The following PLA2G1B variants were observed in gnomAD, a reference collection of about 807,000 sequenced individuals.
PLA2G1B encodes phospholipase A2 group IB.
In PLA2G1B, 12 loss-of-function variants were observed where a neutral mutation model predicts 12.5. The observed-to-expected ratio is 0.96, with a 90% confidence interval of 0.62 to 1.56. PLA2G1B has a LOEUF of 1.56. Ranked by LOEUF, PLA2G1B falls within the 40% of genes most tolerant of loss-of-function variation. The pLI is 0.00. For synonymous variants in PLA2G1B, 81 were observed against 73.4 expected (o/e 1.10, Z -0.53); for missense variants, 189 against 186.7 (o/e 1.01, Z -0.07).
At position 120,324,061 on chromosome 12, in the gene PLA2G1B, C is replaced by T. The variant is rs897496767; in HGVS notation, c.322+873G>A. Among the ~76,000 whole-genome samples, 24 of 152,094 alleles carry T rather than the reference C, an allele frequency of 1.6e-4. 1 individual carries two copies. Among genetic ancestry groups the T allele is most frequent in the Admixed American group, 9.8e-4 (15 of 15,258 alleles). ...GCACAGTGACTCACGCCTATAATTC[C>T]AGCACTTTGGGAGACTGAGGCAGGC... On this transcript the variant is annotated intron_variant, in intron 3 of 3. Transcript: ENST00000308366.
At chr12:120,327,566 A>G (rs1243801705) in intron 1 of PLA2G1B, among the ~76,000 whole-genome samples, 154 bp downstream of exon 1, 2 of 152,226 alleles carry the variant, frequency 1.3e-5, no homozygotes, top group Non-Finnish European at 2.9e-5. Context: ...GGGAACCCCA[A>G]TAGAGGAGCC....
chr12:120,325,729 T>A (rs1295661616), intron 2 of PLA2G1B, 132 bp downstream of exon 2: 1 of 851,002 alleles, frequency 1.2e-6, no homozygotes, highest in African/African-American at 1.7e-5. Context: ...ATTTGTTTAT[T>A]TGACAAGAGG....
At chr12:120,322,343 T>C in intron 3 of PLA2G1B, 26 bp from the exon 4 acceptor site, 1 of 1,608,200 alleles carries the variant, frequency 6.2e-7, no homozygotes, top group Non-Finnish European at 8.5e-7. Context: ...AGGAGAGGAC[T>C]GAGCCAAGGT....
rs199972494 is a variant in PLA2G1B at position 120,322,271 on chromosome 12, G to A, written c.369C>T (p.Asn123=). ...CEAFICNCDR[N]AAICFSKAPY... ...GAGCTTTTGAAAAGCAGATGGCAGCGTTGCGGTCGCAGTTGCAAATGAAGG... is the reference window on the plus strand; with the variant it reads ...GAGCTTTTGAAAAGCAGATGGCAGCATTGCGGTCGCAGTTGCAAATGAAGG... Residue 123 remains asparagine (N), a synonymous_variant, in exon 4 of 4, where the codon AAC becomes AAT. Coordinates refer to ENST00000308366, the MANE Select transcript of PLA2G1B (RefSeq NM_000928.3). 28 of 1,613,948 alleles carry A rather than the reference G, an allele frequency of 1.7e-5. No individual in the cohort carries two copies. In the East Asian group the frequency reaches 4.0e-4, roughly 23 times the overall value.
At chr12:120,324,888 C>T (rs767518846) in intron 3 of PLA2G1B, 46 bp downstream of exon 3, 2 of 1,606,516 alleles carry the variant, frequency 1.2e-6, no homozygotes, top group Non-Finnish European at 1.7e-6. Context: ...CCCCGGCCTA[C>T]TGAGAACCAA....
chr12:120,326,418 C>T (rs1407997052), intron 1 of PLA2G1B, among the ~76,000 whole-genome samples: 4 of 147,006 alleles, frequency 2.7e-5, no homozygotes, highest in African/African-American at 1.0e-4. Flanking sequence ...TTTCAGCTCA[C>T]TGCAAACTCT....
intron 1 of PLA2G1B, among the ~76,000 whole-genome samples, chr12:120,326,261 C>T (rs1489492760): frequency 7.1e-6 from 1 of 141,774 alleles, no homozygotes; most frequent in Non-Finnish European, 1.5e-5. Context: ...TATATATCTT[C>T]TTCTTTTTCT....
In PLA2G1B at chr12:120,327,746, A is replaced by G; in HGVS notation, c.8T>C (p.Leu3Pro). The stretch of plus-strand genomic sequence containing the variant: ...TGTGAGCAGCACAGCTAGCACAAGG[A>G]GTTTCATCTTGCAGTCAAGGTGAGA... MK[L>P]LVLAVLLTVA... Residue 3 changes from leucine (L) to proline (P), a missense_variant, in exon 1 of 4, where the codon CTC becomes CCC. By Grantham distance (98) the Leu-to-Pro change is moderately conservative (BLOSUM62 -3). Transcript: ENST00000308366. 6.2e-7 allele frequency: 1 copy of G among 1,613,980 alleles called. No homozygotes were observed. The highest frequency in any genetic ancestry group is 8.5e-7 in the Non-Finnish European group (1 of 1,179,864).
At chr12:120,323,643 T>G (rs1221746187) in intron 3 of PLA2G1B, among the ~76,000 whole-genome samples, 1 of 150,984 alleles carries the variant, frequency 6.6e-6, no homozygotes, top group Non-Finnish European at 1.5e-5. Context: ...AAAAAAAAAC[T>G]GTGTGTGAGT....
chr12:120,326,179 A>T, intron 1 of PLA2G1B, 159 bp from the exon 2 acceptor site: 5 of 414,378 alleles, frequency 1.2e-5, no homozygotes, highest in Non-Finnish European at 1.2e-5. Context: ...GAAAGTGGGT[A>T]GAGGTTTTTT....
intron 1 of PLA2G1B, among the ~76,000 whole-genome samples, chr12:120,326,964 C>CT (rs150226486): frequency 0.064 from 9,778 of 152,006 alleles, 1,040 homozygotes; most frequent in African/African-American, 0.22. Flanking sequence ...AAGCAAGACT[C>CT]TGTCTCAATA....
intron 3 of PLA2G1B, among the ~76,000 whole-genome samples, chr12:120,324,349 A>G (rs1873294628): frequency 6.6e-6 from 1 of 152,114 alleles, no homozygotes; most frequent in South Asian, 2.1e-4. Context: ...TGGATCTTAC[A>G]TTCTATTGGA....
chr12:120,326,102 C>T (rs558731791), intron 1 of PLA2G1B, 82 bp from the exon 2 acceptor site: 33 of 1,468,440 alleles, frequency 2.2e-5, no homozygotes, highest in East Asian at 1.1e-4. Context: ...TCGGGTCCCA[C>T]GCTGCCTCCC....
chr12:120,327,392 T>C (rs1873372698), intron 1 of PLA2G1B, among the ~76,000 whole-genome samples: 1 of 152,180 alleles, frequency 6.6e-6, no homozygotes, highest in Admixed American at 6.5e-5. Flanking sequence ...GGAGGATCAC[T>C]TGAGCCCACG....
chr12:120,324,926 AAAC>A lies in PLA2G1B; in HGVS notation c.322+5_322+7del. ...AGAATTCATAGGTCAAGGAAGGGAT[AAAC>A]CTACTGCTACAGGTGATTGCCGAGC... On this transcript the variant is annotated splice_donor_5th_base_variant and intron_variant, in intron 3 of 3. Coordinates refer to ENST00000308366, the MANE Select transcript of PLA2G1B (RefSeq NM_000928.3). The A allele has an allele frequency of 6.2e-7, 1 of 1,614,082 alleles. No homozygotes were observed. The highest frequency in any genetic ancestry group is 8.5e-7 in the Non-Finnish European group (1 of 1,179,942).
intron 2 of PLA2G1B, 89 bp downstream of exon 2, chr12:120,325,772 T>A: frequency 8.4e-7 from 1 of 1,193,108 alleles, no homozygotes; most frequent in Non-Finnish European, 1.2e-6. Context: ...GATATGCAAG[T>A]CCCCTTTGTA....
At chr12:120,324,795 GTGT>G in intron 3 of PLA2G1B, 136 bp downstream of exon 3, 1 of 816,228 alleles carries the variant, frequency 1.2e-6, no homozygotes, top group Admixed American at 2.0e-5. Context: ...CTATCCCATA[GTGT>G]TGTTCTGAGG....
At chr12:120,327,574 G>C (rs1873375557) in intron 1 of PLA2G1B, 146 bp downstream of exon 1, 1 of 761,750 alleles carries the variant, frequency 1.3e-6, no homozygotes, top group African/African-American at 1.7e-5. Flanking sequence ...CAATAGAGGA[G>C]CCCTTAAGCC....
intron 2 of PLA2G1B, 56 bp from the exon 3 acceptor site, chr12:120,325,117 C>T (rs895924535): frequency 1.3e-6 from 2 of 1,589,852 alleles, no homozygotes; most frequent in African/African-American, 2.7e-5. Flanking sequence ...ATAGGTCAGC[C>T]CTCACCTGCC....
Sources: gnomAD v4.1 joint callset for allele counts (sites outside exome capture counted in the v4.1 genomes callset) on GRCh38, gnomAD v4.1.1 for gene constraint, MANE v1.5 for transcripts, NCBI Gene and HGNC (gene_info 2026-07-23, HGNC 2026-07-21) for gene names.